The following KCNQ3 variants were observed in gnomAD, a reference collection of about 807,000 sequenced individuals.
KCNQ3 encodes potassium voltage-gated channel subfamily KQT member 3.
In KCNQ3, 30 loss-of-function variants were observed where a neutral mutation model predicts 92.5. That is an observed-to-expected ratio of 0.32 (90% confidence interval 0.24 to 0.44). The LOEUF is 0.44. KCNQ3 is among the 20% of genes least tolerant of loss of function. The pLI is 1.00. For missense variants in KCNQ3, 913 were observed against 1,140.3 expected (o/e 0.80, Z 2.87); for synonymous variants, 450 against 468.8 (o/e 0.96, Z 0.52).
intron 1 of KCNQ3, among the ~76,000 whole-genome samples, chr8:132,296,947 T>A (rs1260157870): frequency 6.6e-6 from 1 of 152,140 alleles, no homozygotes; most frequent in African/African-American, 2.4e-5. Flanking sequence ...TAGTTCTAGA[T>A]CACTGAGGAA....
At chr8:132,413,962 G>C (rs1222611972) in intron 1 of KCNQ3, among the ~76,000 whole-genome samples, 3 of 152,194 alleles carry the variant, frequency 2.0e-5, no homozygotes, top group African/African-American at 7.2e-5. Flanking sequence ...GGAGACTGGT[G>C]ATGAATTATT....
intron 1 of KCNQ3, among the ~76,000 whole-genome samples, chr8:132,216,312 G>A (rs973729260): frequency 6.6e-6 from 1 of 152,208 alleles, no homozygotes; most frequent in African/African-American, 2.4e-5. Flanking sequence ...TTGAGCGCGT[G>A]ATATTCTGAG....
At chr8:132,207,072 G>A (rs1813682940) in intron 1 of KCNQ3, among the ~76,000 whole-genome samples, 1 of 152,072 alleles carries the variant, frequency 6.6e-6, no homozygotes, top group Admixed American at 6.6e-5. Flanking sequence ...TAGATATTTG[G>A]GTTTAGATTC....
At chr8:132,364,458 G>A (rs1321935192) in intron 1 of KCNQ3, among the ~76,000 whole-genome samples, 3 of 152,072 alleles carry the variant, frequency 2.0e-5, no homozygotes, top group Admixed American at 6.6e-5. Context: ...ATCATGCCAC[G>A]GGAGGTCACT....
At chr8:132,403,073 C>A (rs559047272) in intron 1 of KCNQ3, among the ~76,000 whole-genome samples, 2 of 143,344 alleles carry the variant, frequency 1.4e-5, no homozygotes, top group South Asian at 4.3e-4. Flanking sequence ...ATGTACCATA[C>A]TAATGCAGAA....
chr8:132,166,934 C>A (rs1826159546), intron 8 of KCNQ3, among the ~76,000 whole-genome samples: 1 of 152,090 alleles, frequency 6.6e-6, no homozygotes, highest in African/African-American at 2.4e-5. Context: ...TAGGCATATA[C>A]CCAAGAGAGT....
rs376690022 is a variant in KCNQ3, at chr8:132,248,298, C to T, written c.387-62117G>A. On this transcript the variant is annotated intron_variant, in intron 1 of 14. Transcript: ENST00000388996. ...AATCCAGAATCCACATTAGTGGCTTCCAAAAGCTGATCCATGGACCTTTTT... is the reference window on the plus strand; with the variant it reads ...AATCCAGAATCCACATTAGTGGCTTTCAAAAGCTGATCCATGGACCTTTTT... Among the ~76,000 whole-genome samples, 743 of 150,468 alleles carry T rather than the reference C, an allele frequency of 4.9e-3. 7 individuals carry two copies. Among genetic ancestry groups the T allele is most frequent in the African/African-American group, 0.018 (719 of 40,944 alleles).
At chr8:132,170,291 A>T (rs1270325289) in intron 8 of KCNQ3, 43 bp downstream of exon 8, 1 of 1,395,230 alleles carries the variant, frequency 7.2e-7, no homozygotes, top group Non-Finnish European at 1.0e-6. Context: ...CGCAGGAGAG[A>T]TGGCTGGTCA....
At chr8:132,190,675 G>C (rs993277179) in intron 1 of KCNQ3, among the ~76,000 whole-genome samples, 2 of 152,312 alleles carry the variant, frequency 1.3e-5, no homozygotes, top group African/African-American at 4.8e-5. Context: ...CATGACTGCT[G>C]CTTCGTGAGA....
chr8:132,257,437 A>T (rs2130458715), intron 1 of KCNQ3, among the ~76,000 whole-genome samples: 1 of 152,200 alleles, frequency 6.6e-6, no homozygotes, highest in South Asian at 2.1e-4. Flanking sequence ...AAAAAGAAGA[A>T]TTTAGAAAAA....
intron 9 of KCNQ3, among the ~76,000 whole-genome samples, chr8:132,153,906 T>C (rs1352236817): frequency 6.6e-6 from 1 of 152,168 alleles, no homozygotes. Context: ...CAGGGACACC[T>C]ATTCCCCTCT....
intron 1 of KCNQ3, among the ~76,000 whole-genome samples, chr8:132,290,206 T>C (rs1816799193): frequency 1.3e-5 from 2 of 152,242 alleles, no homozygotes. Flanking sequence ...CTTTGATTAG[T>C]CACTAAGTTC....
intron 1 of KCNQ3, among the ~76,000 whole-genome samples, chr8:132,188,982 G>A (rs1312751764): frequency 6.6e-6 from 1 of 152,226 alleles, no homozygotes; most frequent in Non-Finnish European, 1.5e-5. Context: ...AGGTGCAAAA[G>A]TTCATGGACA....
At chr8:132,428,647 A>G (rs770702306) in intron 1 of KCNQ3, among the ~76,000 whole-genome samples, 2 of 152,248 alleles carry the variant, frequency 1.3e-5, no homozygotes, top group Non-Finnish European at 2.9e-5. Context: ...TTTTAAAAAT[A>G]TAAGATACAG....
At chr8:132,293,675 AC>A (rs1269545359) in intron 1 of KCNQ3, among the ~76,000 whole-genome samples, 1 of 152,160 alleles carries the variant, frequency 6.6e-6, no homozygotes, top group Non-Finnish European at 1.5e-5. Flanking sequence ...AGGTCTTCAG[AC>A]TGAGATGCAG....
At chr8:132,204,117 G>A (rs1586826638) in intron 1 of KCNQ3, among the ~76,000 whole-genome samples, 1 of 152,172 alleles carries the variant, frequency 6.6e-6, no homozygotes, top group African/African-American at 2.4e-5. Context: ...GTCAAAGTGG[G>A]AAAAATGTGC....
At chr8:132,430,828 T>A (rs1470564509) in intron 1 of KCNQ3, among the ~76,000 whole-genome samples, 1 of 152,206 alleles carries the variant, frequency 6.6e-6, no homozygotes. Flanking sequence ...GTTCCGTTTG[T>A]CCTTCCTCAA....
intron 1 of KCNQ3, among the ~76,000 whole-genome samples, chr8:132,346,175 A>G (rs1419262486): frequency 6.6e-6 from 1 of 152,168 alleles, no homozygotes; most frequent in Non-Finnish European, 1.5e-5. Context: ...TCAGGGCATG[A>G]CCATCACTTT....
intron 1 of KCNQ3, among the ~76,000 whole-genome samples, chr8:132,187,842 G>T (rs1200989527): frequency 5.4e-4 from 68 of 125,206 alleles, no homozygotes; most frequent in African/African-American, 2.4e-3. Flanking sequence ...TTGTGGTGGT[G>T]GTGGTGGTAG....
Sources: gnomAD v4.1 joint callset for allele counts (sites outside exome capture counted in the v4.1 genomes callset) on GRCh38, gnomAD v4.1.1 for gene constraint, MANE v1.5 for transcripts, NCBI Gene and HGNC (gene_info 2026-07-23, HGNC 2026-07-21) for gene names.